The following NKAIN3 variants were observed in gnomAD, a reference collection of about 807,000 sequenced individuals.
NKAIN3 encodes the protein sodium/potassium-transporting ATPase subunit beta-1-interacting protein 3.
A neutral mutation model predicts 30.2 loss-of-function variants in NKAIN3; 25 were observed. That is an observed-to-expected ratio of 0.83 (90% CI 0.60 to 1.16). The LOEUF (loss-of-function observed/expected upper bound fraction) is 1.16, where lower values mean the gene tolerates loss of function less well. Ranked by LOEUF, NKAIN3 falls within the 50% of genes most tolerant of loss-of-function variation. The probability of loss-of-function intolerance (pLI) is 0.00; values close to 1 mark genes in which losing one functional copy is unlikely to be tolerated. For synonymous variants in NKAIN3, 91 were observed against 89.6 expected (o/e 1.02, Z -0.09); for missense variants, 225 against 254.1 (o/e 0.89, Z 0.78).
chr8:62,260,784 A>C (rs975730551), intron 1 of NKAIN3, among the ~76,000 whole-genome samples: 1 of 152,188 alleles, frequency 6.6e-6, no homozygotes, highest in African/African-American at 2.4e-5. Flanking sequence ...TTATAATTAA[A>C]TTATATTAAA....
chr8:62,956,270 A>G (rs983394280), intron 6 of NKAIN3, among the ~76,000 whole-genome samples: 4 of 152,170 alleles, frequency 2.6e-5, no homozygotes, highest in Non-Finnish European at 5.9e-5. Context: ...AGAGAGGGGA[A>G]TGAATGCTGG....
intron 5 of NKAIN3, among the ~76,000 whole-genome samples, chr8:62,928,327 T>C (rs1822511295): frequency 1.3e-5 from 2 of 152,180 alleles, no homozygotes; most frequent in African/African-American, 4.8e-5. Context: ...TCTCTTTCTC[T>C]CTCTCTCCCT....
At chr8:62,377,680 T>C (rs1308760647) in intron 1 of NKAIN3, among the ~76,000 whole-genome samples, 1 of 152,032 alleles carries the variant, frequency 6.6e-6, no homozygotes, top group Non-Finnish European at 1.5e-5. Context: ...GTTCTCATGA[T>C]AGTGAGTGAG....
intron 1 of NKAIN3, among the ~76,000 whole-genome samples, chr8:62,332,944 G>C (rs1372693850): frequency 6.6e-6 from 1 of 152,078 alleles, no homozygotes; most frequent in Non-Finnish European, 1.5e-5. Flanking sequence ...CGGCGACAGT[G>C]AGTTGTGTTT....
chr8:62,250,653 CAAGT>C (rs1416570190), intron 1 of NKAIN3, among the ~76,000 whole-genome samples: 4 of 152,022 alleles, frequency 2.6e-5, no homozygotes, highest in African/African-American at 9.7e-5. Flanking sequence ...ATGGAAATAA[CAAGT>C]AAGGTTTTTA....
chr8:62,605,016 T>G (rs4374986), intron 3 of NKAIN3, among the ~76,000 whole-genome samples: 68,841 of 151,890 alleles, frequency 0.45, 17,710 homozygotes, highest in Non-Finnish European at 0.58. Flanking sequence ...GTAGGTATGG[T>G]CATCTAAGTA....
chr8:62,903,499 C>T (rs1026365188), intron 4 of NKAIN3, among the ~76,000 whole-genome samples: 7 of 152,098 alleles, frequency 4.6e-5, no homozygotes, highest in African/African-American at 1.7e-4. Flanking sequence ...CAAGATAGCA[C>T]AGATAGGCCT....
At chr8:62,377,516 C>T (rs192188207) in intron 1 of NKAIN3, among the ~76,000 whole-genome samples, 201 of 152,162 alleles carry the variant, frequency 1.3e-3, no homozygotes, top group African/African-American at 4.3e-3. Flanking sequence ...TAGAAAATAA[C>T]GAAATAATGG....
chr8:62,550,993 A>G (rs978888144), intron 1 of NKAIN3, among the ~76,000 whole-genome samples: 1 of 152,158 alleles, frequency 6.6e-6, no homozygotes, highest in African/African-American at 2.4e-5. Flanking sequence ...GTATGGCTGA[A>G]TTCTTTGCCT....
chr8:62,996,805 C>A lies in NKAIN3; in HGVS notation c.533-2426C>A, dbSNP rs368974513. On this transcript the variant is annotated intron_variant, in intron 5 of 5. Transcript: ENST00000519049. ...AAATCTTAAAGGTCCGTAATGATCT[C>A]CTTTGACTCCATGTCTCACACCCAC... is the stretch of plus-strand genomic sequence containing the variant. 2.0e-5 allele frequency among the ~76,000 whole-genome samples: 3 copies of A among 152,232 alleles called. No individual in the cohort carries two copies. In the East Asian group the frequency reaches 5.8e-4, roughly 29 times the overall value.
At position 62,967,320 on chromosome 8, in the gene NKAIN3, T is replaced by A. The variant is rs908100611; in HGVS notation, c.*1913T>A. ...CCATGTTCTTGGACAGTGTTTGCCA[T>A]CTCTGCACTACAGTTTTCCTCATCA... On this transcript the variant is annotated 3_prime_UTR_variant, in exon 7 of 7. Transcript: ENST00000623646. Among the ~76,000 whole-genome samples the A allele has an allele frequency of 1.3e-5, 2 of 152,174 alleles. No homozygotes were observed. Among genetic ancestry groups the A allele is most frequent in the African/African-American group, 4.8e-5 (2 of 41,446 alleles).
chr8:62,812,337 T>A (rs1400742258), intron 4 of NKAIN3, among the ~76,000 whole-genome samples: 1 of 151,880 alleles, frequency 6.6e-6, no homozygotes, highest in Non-Finnish European at 1.5e-5. Context: ...CATATATATT[T>A]TAGAAGAAGC....
At chr8:62,447,818 G>A (rs888322239) in intron 1 of NKAIN3, among the ~76,000 whole-genome samples, 1 of 152,000 alleles carries the variant, frequency 6.6e-6, no homozygotes, top group African/African-American at 2.4e-5. Flanking sequence ...AGTACTTCAA[G>A]GCCAAATGGA....
intron 3 of NKAIN3, among the ~76,000 whole-genome samples, chr8:62,707,186 TA>T (rs1814556760): frequency 6.6e-6 from 1 of 152,050 alleles, no homozygotes; most frequent in Non-Finnish European, 1.5e-5. Flanking sequence ...CTGCTATAAA[TA>T]GGTGTGTGCA....
chr8:62,271,359 G>T (rs1812774012), intron 1 of NKAIN3, among the ~76,000 whole-genome samples: 2 of 152,166 alleles, frequency 1.3e-5, no homozygotes, highest in South Asian at 4.1e-4. Context: ...TTTTAGAAAA[G>T]AAAGTTTTAA....
chr8:62,849,548 A>G lies in NKAIN3; in HGVS notation c.472-68905A>G, dbSNP rs558232981. Among the ~76,000 whole-genome samples, 12 of 151,722 alleles carry G rather than the reference A, an allele frequency of 7.9e-5. No homozygotes were observed. The South Asian group carries it at 2.1e-3, about 26-fold the overall frequency. ...TGTGCCATGTTGGTGTGCTGCACCC[A>G]TTAACTCATCATTTAACATTAGGTA... On this transcript the variant is annotated intron_variant, in intron 4 of 6. Transcript: ENST00000623646.
chr8:62,903,196 T>C (rs971009478), intron 4 of NKAIN3, among the ~76,000 whole-genome samples: 1 of 152,220 alleles, frequency 6.6e-6, no homozygotes, highest in African/African-American at 2.4e-5. Context: ...TATTTCCATA[T>C]TCATTGATTC....
rs184600903 is a variant in NKAIN3, at chr8:62,520,859, T to G, written c.55-58680T>G. The stretch of plus-strand genomic sequence containing the variant: ...AGCTAAGAAGAAATAGAAGTAACTT[T>G]GAGAGACAAGCGAAATGTCACAAAA... On this transcript the variant is annotated intron_variant, in intron 1 of 6. Transcript: ENST00000623646. Among the ~76,000 whole-genome samples, 444 of 151,962 alleles carry G rather than the reference T, an allele frequency of 2.9e-3. 2 individuals carry two copies. Among genetic ancestry groups the G allele is most frequent in the African/African-American group, 0.01 (434 of 41,472 alleles).
At chr8:62,732,564 A>C (rs1395911924) in intron 3 of NKAIN3, among the ~76,000 whole-genome samples, 1 of 137,484 alleles carries the variant, frequency 7.3e-6, no homozygotes, top group Non-Finnish European at 1.7e-5. Flanking sequence ...CATGTATTAG[A>C]TCAAACTTGT....
Sources: gnomAD v4.1 joint callset for allele counts (sites outside exome capture counted in the v4.1 genomes callset) on GRCh38, gnomAD v4.1.1 for gene constraint, MANE v1.5 for transcripts, NCBI Gene and HGNC (gene_info 2026-07-23, HGNC 2026-07-21) for gene names.